The following FLNC variants were observed in gnomAD, a reference collection of about 807,000 sequenced individuals.
FLNC encodes the protein filamin-C.
FLNC carries 91 observed loss-of-function variants against 254.3 expected under a neutral mutation model. That is an observed-to-expected ratio of 0.36 (90% confidence interval 0.30 to 0.43). The LOEUF (loss-of-function observed/expected upper bound fraction) is 0.43. Ranked by LOEUF, FLNC falls within the 20% of genes least tolerant of loss-of-function variation. FLNC has a pLI of 1.00. For synonymous variants in FLNC, 1,430 were observed against 1,577.2 expected, an observed-to-expected ratio of 0.91 and a Z score of 2.21; for missense variants, 2,853 against 3,802.6, an observed-to-expected ratio of 0.75 and a Z score of 6.57.
In FLNC at chr7:128,837,276, CA is replaced by C. The variant is rs1271212198; in HGVS notation, c.699+20del. On this transcript the variant is annotated intron_variant, in intron 3 of 47. Coordinates refer to ENST00000325888, the MANE Select transcript of FLNC (RefSeq NM_001458.5). ...GCCCCAGGTACATGCGCAGATGGGG[CA>C]GGGGGGAAAGGGGGCAGGGGCAGAG... is the stretch of plus-strand genomic sequence containing the variant. The C allele has an allele frequency of 5.3e-6, 8 of 1,504,730 alleles. No homozygotes were observed. In the African/African-American group the frequency reaches 9.7e-5, roughly 18 times the overall value. 93.2% of individuals were successfully genotyped at this position (1,504,730 alleles called of 1,614,324 possible). A position where few individuals can be genotyped will look rare whatever the true frequency, so the allele number is the denominator to read the frequency against.
At chr7:128,849,888 G>A in intron 30 of FLNC, 88 bp from the exon 31 acceptor site, 1 of 970,886 alleles carries the variant, frequency 1.0e-6, no homozygotes, top group South Asian at 1.4e-5. Flanking sequence ...TTATCACCCA[G>A]CATTTCAGGT....
intron 8 of FLNC, among the ~76,000 whole-genome samples, chr7:128,839,098 C>T (rs1195866701): frequency 6.6e-6 from 1 of 152,228 alleles, no homozygotes; most frequent in African/African-American, 2.4e-5. Flanking sequence ...CCCACTTGTT[C>T]TCTCCCTGCA....
chr7:128,854,273 G>C, intron 40 of FLNC, 57 bp downstream of exon 40: 1 of 1,604,554 alleles, frequency 6.2e-7, no homozygotes, highest in Non-Finnish European at 8.5e-7. Flanking sequence ...AGGGTGCTGC[G>C]GACCAGGCTT....
chr7:128,838,338 A>G lies in FLNC; in HGVS notation c.1119A>G (p.Gly373=). 1 of 1,613,920 alleles carries G rather than the reference A, an allele frequency of 6.2e-7. No individual in the cohort carries two copies. The highest frequency in any genetic ancestry group is 8.5e-7 in the Non-Finnish European group (1 of 1,179,862). The change falls in exon 7 of 48, where the codon GGA becomes GGG. Residue 373 remains glycine, a synonymous_variant. Transcript: ENST00000325888. ...PFEVNVGMAL[G]DANKVSARGP... ...AGGTGAACGTGGGCATGGCCCTGGG[A>G]GATGCCAACAAGGTGTCAGCCCGTG...
chr7:128,857,245 T>A lies in FLNC; in HGVS notation c.7689T>A (p.Tyr2563Ter). Residue 2563 changes from tyrosine (Y) to a stop codon, truncating the protein, a stop_gained, in exon 46 of 48, where the codon TAT becomes TAA. Coordinates refer to ENST00000325888, the MANE Select transcript of FLNC (RefSeq NM_001458.5). LOFTEE classifies it high-confidence loss of function. The surrounding 1 kb of genome is among the most constrained non-coding windows in gnomAD (Gnocchi z 4.5). ...RECPEGHVVT[Y>*]TPMAPGNYLI... Reference sequence around the variant, plus strand: ...GTCCTGAGGGCCATGTGGTCACTTATACTCCCATGGCCCCTGGCAACTACC... The same window carrying A: ...GTCCTGAGGGCCATGTGGTCACTTAAACTCCCATGGCCCCTGGCAACTACC... The A allele has an allele frequency of 6.2e-7, 1 of 1,613,794 alleles. No individual in the cohort carries two copies. The highest frequency in any genetic ancestry group is 1.1e-5 in the South Asian group (1 of 91,072).
In FLNC at chr7:128,858,842, C is replaced by G; in HGVS notation, c.*319C>G. ...GGCCAGGGAAGCCCTGAGTTTCTGG[C>G]GGGGCTGAGCAGTGGGGGAGCATTG... On this transcript the variant is annotated 3_prime_UTR_variant, in exon 48 of 48. Transcript: ENST00000325888. The surrounding 1 kb of genome is among the most constrained non-coding windows in gnomAD (Gnocchi z 6.7). 1 of 446,280 alleles carries G rather than the reference C, an allele frequency of 2.2e-6. No individual in the cohort carries two copies. The highest frequency in any genetic ancestry group is 4.3e-5 in the East Asian group (1 of 23,138). The allele number at this position is 446,280 out of a possible 1,614,324, so 27.6% of individuals were successfully genotyped here. A position where few individuals can be genotyped will look rare whatever the true frequency, so the allele number is the denominator to read the frequency against.
chr7:128,855,003 A>C, intron 42 of FLNC, 91 bp downstream of exon 42: 1 of 1,425,308 alleles, frequency 7.0e-7, no homozygotes. Context: ...GCTTGGGGCC[A>C]CAGAACTCCC....
rs1341172169 is a variant in FLNC at position 128,837,486 on chromosome 7, A to G, written c.788A>G (p.Lys263Arg). 6.2e-7 allele frequency: 1 copy of G among 1,614,210 alleles called. No homozygotes were observed. The highest frequency in any genetic ancestry group is 8.5e-7 in the Non-Finnish European group (1 of 1,180,024). ...TCCCAGTTCCCCAAGGCCAAGCTCAAACCTGGTGCCCCTGTTCGATCCAAG... is the reference window on the plus strand; with the variant it reads ...TCCCAGTTCCCCAAGGCCAAGCTCAGACCTGGTGCCCCTGTTCGATCCAAG... ...YLSQFPKAKL[K>R]PGAPVRSKQL... is the part of the protein sequence containing the mutation. The change falls in exon 4 of 48, where the codon AAA becomes AGA. Residue 263 changes from lysine to arginine, a missense_variant. By Grantham distance (26) the Lys-to-Arg change is conservative (BLOSUM62 2). Coordinates refer to ENST00000325888, the MANE Select transcript of FLNC (RefSeq NM_001458.5).
At position 128,846,554 on chromosome 7, in the gene FLNC, C is replaced by T. The variant is rs1808577427; in HGVS notation, c.4127+91C>T. ...CATCCCTCTGCCTGGGCCTCAGCCC[C>T]ACCCCATCCTCTCTCAGGGGTGAGG... On this transcript the variant is annotated intron_variant, in intron 23 of 47. Coordinates refer to ENST00000325888, the MANE Select transcript of FLNC (RefSeq NM_001458.5). The T allele has an allele frequency of 4.6e-6, 7 of 1,516,398 alleles. No homozygotes were observed. In the Admixed American group the frequency reaches 6.7e-5, roughly 14 times the overall value. 93.9% of individuals were successfully genotyped at this position (1,516,398 alleles called of 1,614,324 possible). A position where few individuals can be genotyped will look rare whatever the true frequency, so the allele number is the denominator to read the frequency against.
chr7:128,855,499 G>C (rs577611938), intron 43 of FLNC, among the ~76,000 whole-genome samples, 185 bp downstream of exon 43: 2 of 152,194 alleles, frequency 1.3e-5, no homozygotes, highest in East Asian at 1.9e-4. Flanking sequence ...GGGCTTGCCC[G>C]TGCACTCAGG....
chr7:128,843,068 T>A, intron 16 of FLNC, 114 bp downstream of exon 16: 1 of 1,442,174 alleles, frequency 6.9e-7, no homozygotes, highest in Non-Finnish European at 9.6e-7. Flanking sequence ...GGTGGAGCCC[T>A]ACCTGTGTGA....
At position 128,835,339 on chromosome 7, in the gene FLNC, C is replaced by A; in HGVS notation, c.366C>A (p.Ile122=). Residue 122 remains isoleucine, a synonymous_variant, in exon 2 of 48, where the codon ATC becomes ATA. Transcript: ENST00000325888. The surrounding 1 kb of genome is among the most constrained non-coding windows in gnomAD (Gnocchi z 5.3). Reference sequence around the variant, plus strand: ...TCCCCTCTGCAGACAGCAAGGCCATCGTGGATGGGAACCTGAAGCTGATCC... The same window carrying A: ...TCCCCTCTGCAGACAGCAAGGCCATAGTGGATGGGAACCTGAAGCTGATCC... The part of the protein sequence containing the change: ...IKLVSIDSKA[I]VDGNLKLILG... 1 of 1,613,756 alleles carries A rather than the reference C, an allele frequency of 6.2e-7. No homozygotes were observed. Among genetic ancestry groups the A allele is most frequent in the Non-Finnish European group, 8.5e-7 (1 of 1,180,020 alleles).
At chr7:128,850,782 G>C (rs377012650) in intron 32 of FLNC, 21 bp from the exon 33 acceptor site, 14 of 1,613,604 alleles carry the variant, frequency 8.7e-6, no homozygotes, top group Non-Finnish European at 1.0e-5. Context: ...GGGTCTCCAC[G>C]TAACTGTGTC....
In FLNC at chr7:128,837,566, G is replaced by A. The variant is rs55907818; in HGVS notation, c.850+18G>A. 0.085 allele frequency: 137,675 copies of A among 1,613,974 alleles called. 6,000 individuals are homozygous for A. The highest frequency in any genetic ancestry group is 0.093 in the East Asian group (4,192 of 44,884). ...TGGGCCTGGTATGTGTGAGCCCCTG[G>A]CGGCCCTCCTGGGCAGCTGGGCACA... On this transcript the variant is annotated intron_variant, in intron 4 of 47. Coordinates refer to ENST00000325888, the MANE Select transcript of FLNC (RefSeq NM_001458.5).
chr7:128,840,265 C>T, intron 9 of FLNC, 105 bp downstream of exon 9: 1 of 1,397,978 alleles, frequency 7.2e-7, no homozygotes, highest in Non-Finnish European at 1.0e-6. Context: ...AGCACCACAG[C>T]TCCACAGTGA....
Position 128,854,643 on chromosome 7 carries a change from G to A in FLNC, c.6958G>A (p.Gly2320Arg), listed in dbSNP as rs867808948. Residue 2320 changes from glycine to arginine, a missense_variant, in exon 41 of 48, where the codon GGA becomes AGA. By Grantham distance (125) the Gly-to-Arg change is moderately radical. Transcript: ENST00000325888. ...GEGGAHKVRAGGTGLERGVAG... is the reference protein window; with the variant it reads ...GEGGAHKVRARGTGLERGVAG... ...AGGTGGTGCCCACAAGGTGCGGGCC[G>A]GAGGCACAGGGCTGGAGCGAGGTGT... 6.2e-7 allele frequency: 1 copy of A among 1,612,606 alleles called. No homozygotes were observed. The highest frequency in any genetic ancestry group is 8.5e-7 in the Non-Finnish European group (1 of 1,179,534).
chr7:128,844,554 C>T, intron 20 of FLNC, 104 bp from the exon 21 acceptor site: 1 of 1,138,182 alleles, frequency 8.8e-7, no homozygotes, highest in Non-Finnish European at 1.3e-6. Flanking sequence ...AGCACTCAGT[C>T]CACAGTAGCA....
At position 128,830,693 on chromosome 7, in the gene FLNC, A is replaced by C. The variant is rs1807849997; in HGVS notation, c.56A>C (p.Asp19Ala). Reference protein sequence around the residue: ...DAGLGLGDETDEMPSTEKDLA... With the variant: ...DAGLGLGDETAEMPSTEKDLA... ...GGCCTCGGCCTGGGCGATGAGACAG[A>C]CGAGATGCCGTCCACGGAGAAGGAC... is the stretch of plus-strand genomic sequence containing the variant. The change falls in exon 1 of 48, where the codon GAC becomes GCC. Residue 19 changes from aspartate (D) to alanine (A), a missense_variant. Coordinates refer to ENST00000325888, the MANE Select transcript of FLNC (RefSeq NM_001458.5). The C allele has an allele frequency of 6.2e-7, 1 of 1,612,852 alleles. No individual in the cohort carries two copies. The highest frequency in any genetic ancestry group is 8.5e-7 in the Non-Finnish European group (1 of 1,179,964).
Position 128,851,595 on chromosome 7 carries a change from A to G in FLNC, c.5809A>G (p.Ile1937Val). 1.2e-6 allele frequency: 2 copies of G among 1,613,906 alleles called. No individual in the cohort carries two copies. Among genetic ancestry groups the G allele is most frequent in the Non-Finnish European group, 1.7e-6 (2 of 1,180,016 alleles). ...CATCGTGCGCTTCGATGACAAGCAC[A>G]TCCCGGGGAGCCCCTTCACAGCCAA... ...SIIVRFDDKH[I>V]PGSPFTAKIT... is the part of the protein sequence containing the mutation. The change falls in exon 35 of 48, where the codon ATC (isoleucine) becomes GTC (valine). Residue 1937 changes from isoleucine (I) to valine (V), a missense_variant. By Grantham distance (29) the Ile-to-Val change is conservative. Transcript: ENST00000325888.
Sources: gnomAD v4.1 joint callset for allele counts (sites outside exome capture counted in the v4.1 genomes callset) on GRCh38, gnomAD v4.1.1 for gene constraint, Gnocchi (gnomAD v3.1) non-coding constraint, MANE v1.5 for transcripts, NCBI Gene and HGNC (gene_info 2026-07-23, HGNC 2026-07-21) for gene names.